The following KCNQ3 variants were observed in gnomAD, a reference collection of about 807,000 sequenced individuals.
KCNQ3 encodes potassium voltage-gated channel subfamily Q member 3, also known as potassium voltage-gated channel subfamily KQT member 3.
A neutral mutation model predicts 92.5 loss-of-function variants in KCNQ3; 30 were observed. The ratio of observed to expected loss-of-function variants is 0.32; its 90% CI spans 0.24 to 0.44. The LOEUF (loss-of-function observed/expected upper bound fraction) is 0.44. KCNQ3 is among the 20% of genes least tolerant of loss of function. The pLI, the probability that KCNQ3 is intolerant of heterozygous loss-of-function variation, is 1.00. For missense variants in KCNQ3, 913 were observed against 1,140.3 expected (o/e 0.80, Z 2.87); for synonymous variants, 450 against 468.8 (o/e 0.96, Z 0.52).
In KCNQ3 at chr8:132,261,201, T is replaced by A. The variant is rs186809792; in HGVS notation, c.387-75020A>T. Among the ~76,000 whole-genome samples the A allele has an allele frequency of 1.0e-3, 155 of 152,348 alleles. 1 individual carries two copies. Among genetic ancestry groups the A allele is most frequent in the Non-Finnish European group, 1.3e-3 (90 of 68,032 alleles). The stretch of plus-strand genomic sequence containing the variant: ...GAGAAAAGTAGGGCATTGGGTGGGA[T>A]ATCCTGAAACCAGGATCTGTTTGGA... On this transcript the variant is annotated intron_variant, in intron 1 of 14. Transcript: ENST00000388996.
intron 1 of KCNQ3, among the ~76,000 whole-genome samples, chr8:132,361,824 C>T (rs1042504213): frequency 2.6e-5 from 4 of 152,016 alleles, no homozygotes; most frequent in Non-Finnish European, 5.9e-5. Context: ...ACTGTCCATT[C>T]GTATGTGTAA....
chr8:132,351,314 C>A (rs1332934784), intron 1 of KCNQ3, among the ~76,000 whole-genome samples: 1 of 152,160 alleles, frequency 6.6e-6, no homozygotes, highest in Admixed American at 6.5e-5. Flanking sequence ...TGTGTGTGAC[C>A]TCAAAGACCA....
At chr8:132,373,828 T>G (rs1197633415) in intron 1 of KCNQ3, among the ~76,000 whole-genome samples, 1 of 152,102 alleles carries the variant, frequency 6.6e-6, no homozygotes, top group Non-Finnish European at 1.5e-5. Context: ...GCTCCCCAGG[T>G]TGGTTCCACC....
At chr8:132,413,113 T>C (rs1820695973) in intron 1 of KCNQ3, among the ~76,000 whole-genome samples, 1 of 152,224 alleles carries the variant, frequency 6.6e-6, no homozygotes. Flanking sequence ...ATTTCCAAGT[T>C]TCCTTTCTTC....
chr8:132,283,090 CTCGT>C (rs141602461), intron 1 of KCNQ3, among the ~76,000 whole-genome samples: 67 of 137,524 alleles, frequency 4.9e-4, no homozygotes, highest in Admixed American at 2.2e-3. Flanking sequence ...CTCTCTCTCT[CTCGT>C]GTGTGTGTGT....
chr8:132,469,904 T>A (rs770150133), intron 1 of KCNQ3, among the ~76,000 whole-genome samples: 20 of 151,898 alleles, frequency 1.3e-4, no homozygotes, highest in Admixed American at 2.6e-4. Context: ...CAGGCATCAC[T>A]TGGACAAACA....
Position 132,180,327 on chromosome 8 carries a change from T to C in KCNQ3, c.607A>G (p.Ile203Val), listed in dbSNP as rs370369681. 7.4e-6 allele frequency: 12 copies of C among 1,613,866 alleles called. No individual in the cohort carries two copies. The African/African-American group carries it at 1.6e-4, about 22-fold the overall frequency. ...GGCACAGAGGCAATCAGCACAAAGA[T>C]GTCTGGGAGAGAGGACAGACAGAGT... ...FARKPLCMLD[I>V]FVLIASVPVV... The change falls in exon 4 of 15, where the codon ATC becomes GTC. Residue 203 changes from isoleucine to valine, a missense_variant and splice_region_variant. By Grantham distance (29) the Ile-to-Val change is conservative. Around this residue, in one of 6 missense-constraint regions of KCNQ3, gnomAD observed 100 missense variants for 217.6 expected, o/e 0.46. Transcript: ENST00000388996.
At position 132,387,409 on chromosome 8, in the gene KCNQ3, G is replaced by A. The variant is rs187875773; in HGVS notation, c.386+92738C>T. 4.8e-3 allele frequency among the ~76,000 whole-genome samples: 731 copies of A among 152,186 alleles called. 4 individuals are homozygous for A. The highest frequency in any genetic ancestry group is 0.016 in the African/African-American group (682 of 41,536). On this transcript the variant is annotated intron_variant, in intron 1 of 14. Coordinates refer to ENST00000388996, the MANE Select transcript of KCNQ3 (RefSeq NM_004519.4). ...GCATAGAAAGATACTTTCTTAATAT[G>A]GCAAGAATTATTTGAAACCAATAGG...
intron 1 of KCNQ3, among the ~76,000 whole-genome samples, chr8:132,331,617 T>C (rs1352680401): frequency 6.6e-6 from 1 of 152,166 alleles, no homozygotes; most frequent in African/African-American, 2.4e-5. Flanking sequence ...TCCTGCTCCT[T>C]GTTCTCTCAA....
chr8:132,228,638 T>A (rs1814518540), intron 1 of KCNQ3, among the ~76,000 whole-genome samples: 1 of 142,784 alleles, frequency 7.0e-6, no homozygotes, highest in Non-Finnish European at 1.6e-5. Flanking sequence ...CAAAACATGT[T>A]TTCAGTCCCC....
At chr8:132,314,882 C>T (rs192686222) in intron 1 of KCNQ3, among the ~76,000 whole-genome samples, 15 of 152,070 alleles carry the variant, frequency 9.9e-5, no homozygotes, top group South Asian at 2.1e-4. Context: ...TCACAATAGG[C>T]GGGAAAAAAT....
intron 1 of KCNQ3, among the ~76,000 whole-genome samples, chr8:132,335,328 C>T (rs561888602): frequency 1.3e-4 from 20 of 152,238 alleles, no homozygotes; most frequent in East Asian, 9.7e-4. Context: ...TGTGAGTCAC[C>T]GCGCCCAGCC....
At chr8:132,405,741 C>G (rs1347468212) in intron 1 of KCNQ3, among the ~76,000 whole-genome samples, 2 of 152,178 alleles carry the variant, frequency 1.3e-5, no homozygotes, top group Non-Finnish European at 2.9e-5. Flanking sequence ...TTCATTCCAT[C>G]AACATTTCTT....
At chr8:132,384,473 T>C (rs1483909117) in intron 1 of KCNQ3, among the ~76,000 whole-genome samples, 2 of 152,132 alleles carry the variant, frequency 1.3e-5, no homozygotes, top group Admixed American at 6.5e-5. Flanking sequence ...CAATGGAAGA[T>C]AAAAGAATCA....
At chr8:132,334,721 T>C (rs1394527011) in intron 1 of KCNQ3, among the ~76,000 whole-genome samples, 1 of 152,192 alleles carries the variant, frequency 6.6e-6, no homozygotes, top group Admixed American at 6.5e-5. Context: ...CCAAAACTCA[T>C]TGATACATTC....
intron 1 of KCNQ3, among the ~76,000 whole-genome samples, chr8:132,332,593 T>C (rs1238282515): frequency 1.3e-5 from 2 of 152,230 alleles, no homozygotes; most frequent in African/African-American, 4.8e-5. Context: ...TCTTCACTCC[T>C]AGCCACACTT....
Position 132,127,829 on chromosome 8 carries a change from A to G in KCNQ3, c.*1433T>C, listed in dbSNP as rs1824720346. 6.6e-6 allele frequency: 1 copy of G among 152,220 alleles called. No homozygotes were observed. The highest frequency in any genetic ancestry group is 2.4e-5 in the African/African-American group (1 of 41,458). 9.4% of individuals were successfully genotyped at this position (152,220 alleles called of 1,614,324 possible). A position where few individuals can be genotyped will look rare whatever the true frequency, so the allele number is the denominator to read the frequency against. On this transcript the variant is annotated 3_prime_UTR_variant, in exon 15 of 15. Coordinates refer to ENST00000388996, the MANE Select transcript of KCNQ3 (RefSeq NM_004519.4). ...CTTGTGCTTAATATCACACCTGTAC[A>G]GTAGGGCAGTGCTTCCCAGGCTGTC...
At chr8:132,433,710 C>CA (rs1821311724) in intron 1 of KCNQ3, among the ~76,000 whole-genome samples, 1 of 149,794 alleles carries the variant, frequency 6.7e-6, no homozygotes, top group Non-Finnish European at 1.5e-5. Context: ...GCCAACATGG[C>CA]AAAAACCCAT....
chr8:132,212,585 A>G (rs1030580304), intron 1 of KCNQ3, among the ~76,000 whole-genome samples: 2 of 151,514 alleles, frequency 1.3e-5, no homozygotes, highest in Non-Finnish European at 2.9e-5. Flanking sequence ...CTTTAAATCT[A>G]CTCAAAGGCT....
Sources: allele counts gnomAD v4.1 joint callset (sites outside exome capture counted in the v4.1 genomes callset), GRCh38; gene constraint gnomAD v4.1.1; regional missense constraint gnomAD v4.1.1; transcripts MANE v1.5; gene names NCBI Gene and HGNC (gene_info 2026-07-23, HGNC 2026-07-21).